Variants in B3GAT2 observed in about 807,000 individuals in gnomAD.
The protein encoded by B3GAT2 is galactosylgalactosylxylosylprotein 3-beta-glucuronosyltransferase 2.
Under a neutral mutation model 27.8 loss-of-function variants are expected in B3GAT2, and 26 were observed. The ratio of observed to expected loss-of-function variants is 0.93; its 90% CI spans 0.68 to 1.30. The LOEUF (loss-of-function observed/expected upper bound fraction) is 1.30. Among genes scored for constraint, B3GAT2 ranks in the 50% most tolerant of loss-of-function variants. The pLI, the probability that B3GAT2 is intolerant of heterozygous loss-of-function variation, is 0.00. For missense variants in B3GAT2, 458 were observed against 459.0 expected, an observed-to-expected ratio of 1.00 and a Z score of 0.02; for synonymous variants, 218 against 195.1, an observed-to-expected ratio of 1.12 and a Z score of -0.98.
intron 2 of B3GAT2, among the ~76,000 whole-genome samples, chr6:70,875,866 T>G (rs759980161): frequency 6.6e-5 from 10 of 152,218 alleles, no homozygotes; most frequent in Admixed American, 3.3e-4. Flanking sequence ...ACAATTCATT[T>G]AAATCTCTAC....
Position 70,859,494 on chromosome 6 carries a change from T to C in B3GAT2, c.*2169A>G. On this transcript the variant is annotated 3_prime_UTR_variant, in exon 4 of 4. Coordinates refer to ENST00000230053, the MANE Select transcript of B3GAT2 (RefSeq NM_080742.3). ...GTTTATGTTAGTGTCTTTGAAACTG[T>C]AAATAAGTCAAGTCAAATGTATTAA... 1 of 922,022 alleles carries C rather than the reference T, an allele frequency of 1.1e-6. No homozygotes were observed. The highest frequency in any genetic ancestry group is 2.8e-5 in the Admixed American group (1 of 35,486). 57.1% of individuals were successfully genotyped at this position (922,022 alleles called of 1,614,324 possible). A position where few individuals can be genotyped will look rare whatever the true frequency, so the allele number is the denominator to read the frequency against.
rs780132152 is a variant in B3GAT2 at position 70,897,540 on chromosome 6, AC to A, written c.592-3269del. ...GATCACTTGAGGTCAGGAGTTCGAG[AC>A]CAGCCTGGCCAACATGGTGAAACCC... On this transcript the variant is annotated intron_variant, in intron 1 of 3. Transcript: ENST00000230053. 2.6e-5 allele frequency among the ~76,000 whole-genome samples: 4 copies of A among 152,068 alleles called. No homozygotes were observed. In the East Asian group the frequency reaches 5.8e-4, roughly 22 times the overall value.
At chr6:70,878,187 G>A (rs1164614323) in intron 2 of B3GAT2, among the ~76,000 whole-genome samples, 1 of 152,092 alleles carries the variant, frequency 6.6e-6, no homozygotes, top group African/African-American at 2.4e-5. Flanking sequence ...ATTAGATCAA[G>A]TTTTTTATAT....
chr6:70,906,153 A>T (rs919890052), intron 1 of B3GAT2, among the ~76,000 whole-genome samples: 1 of 152,142 alleles, frequency 6.6e-6, no homozygotes, highest in African/African-American at 2.4e-5. Flanking sequence ...CCACACGAAA[A>T]CCAACGATCT....
In B3GAT2 at chr6:70,856,733, C is replaced by T; in HGVS notation, c.*4930G>A. On this transcript the variant is annotated 3_prime_UTR_variant, in exon 4 of 4. Transcript: ENST00000230053. ...GCTTGTAAGTGATCCTCTTGAATGG[C>T]ACCATTTTACCTTCTACAATTGTTT... The T allele has an allele frequency of 2.2e-6, 2 of 925,392 alleles. No individual in the cohort carries two copies. The highest frequency in any genetic ancestry group is 1.7e-5 in the African/African-American group (1 of 59,956). The allele number at this position is 925,392 out of a possible 1,614,324, so 57.3% of individuals were successfully genotyped here. A position where few individuals can be genotyped will look rare whatever the true frequency, so the allele number is the denominator to read the frequency against.
At chr6:70,868,676 T>C (rs1269733870) in intron 2 of B3GAT2, among the ~76,000 whole-genome samples, 1 of 152,198 alleles carries the variant, frequency 6.6e-6, no homozygotes, top group African/African-American at 2.4e-5. Flanking sequence ...GACACATGTT[T>C]AGTGTTACCA....
At chr6:70,896,618 T>C (rs1772391509) in intron 1 of B3GAT2, among the ~76,000 whole-genome samples, 1 of 152,174 alleles carries the variant, frequency 6.6e-6, no homozygotes. Flanking sequence ...TCCTCTAGAA[T>C]TTTGTATGAA....
intron 1 of B3GAT2, among the ~76,000 whole-genome samples, chr6:70,905,412 T>C (rs1037122011): frequency 3.3e-5 from 5 of 152,248 alleles, no homozygotes; most frequent in South Asian, 4.1e-4. Context: ...TAATTGCCAA[T>C]GACTATGTTA....
At position 70,956,676 on chromosome 6, in the gene B3GAT2, A is replaced by C. The variant is rs370250434; in HGVS notation, c.-247T>G. 889 of 1,357,268 alleles carry C rather than the reference A, an allele frequency of 6.5e-4. 10 individuals carry two copies. The East Asian group carries it at 0.017, about 26-fold the overall frequency. The allele number at this position is 1,357,268 out of a possible 1,614,324, so 84.1% of individuals were successfully genotyped here. ...GCGGGCAGGGGCTGCCCCCGACTCC[A>C]GGTGAGCTGGCGGGAAGCGGGACTC... On this transcript the variant is annotated 5_prime_UTR_variant, in exon 1 of 4. Coordinates refer to ENST00000230053, the MANE Select transcript of B3GAT2 (RefSeq NM_080742.3).
At chr6:70,905,294 T>TA (rs1427799833) in intron 1 of B3GAT2, among the ~76,000 whole-genome samples, 2 of 152,176 alleles carry the variant, frequency 1.3e-5, no homozygotes, top group Non-Finnish European at 2.9e-5. Flanking sequence ...CCACCAATGT[T>TA]AAAATGCATT....
At chr6:70,867,110 GTTA>G (rs1771863736) in intron 2 of B3GAT2, among the ~76,000 whole-genome samples, 1 of 152,094 alleles carries the variant, frequency 6.6e-6, no homozygotes, top group Non-Finnish European at 1.5e-5. Flanking sequence ...TGATAAAGTG[GTTA>G]ACTGAATGAA....
In B3GAT2 at chr6:70,953,200, A is replaced by G. The variant is rs117153167; in HGVS notation, c.591+2639T>C. Among the ~76,000 whole-genome samples, 195 of 152,336 alleles carry G rather than the reference A, an allele frequency of 1.3e-3. 3 individuals carry two copies. In the East Asian group the frequency reaches 0.029, roughly 22 times the overall value. ...CCTCAGCCCTATAGCATTCCTAATC[A>G]GCATCTTTGCTTTCCCCCAAGGAGC... On this transcript the variant is annotated intron_variant, in intron 1 of 3. Transcript: ENST00000230053.
chr6:70,956,666 C>T lies in B3GAT2; in HGVS notation c.-237G>A. ...GTGCAGGCGGGCGGGCAGGGGCTGCCCCCGACTCCAGGTGAGCTGGCGGGA... is the reference window on the plus strand; with the variant it reads ...GTGCAGGCGGGCGGGCAGGGGCTGCTCCCGACTCCAGGTGAGCTGGCGGGA... On this transcript the variant is annotated 5_prime_UTR_variant, in exon 1 of 4. Transcript: ENST00000230053. 7.3e-7 allele frequency: 1 copy of T among 1,373,284 alleles called. No individual in the cohort carries two copies. The highest frequency in any genetic ancestry group is 1.6e-5 in the South Asian group (1 of 63,668). The allele number at this position is 1,373,284 out of a possible 1,614,324, so 85.1% of individuals were successfully genotyped here. A position where few individuals can be genotyped will look rare whatever the true frequency, so the allele number is the denominator to read the frequency against.
At chr6:70,887,246 A>T (rs549525543) in intron 2 of B3GAT2, among the ~76,000 whole-genome samples, 1 of 152,192 alleles carries the variant, frequency 6.6e-6, no homozygotes, top group Non-Finnish European at 1.5e-5. Context: ...AGCTGATCAC[A>T]GCATTATCTA....
chr6:70,913,477 A>T (rs1170584044), intron 1 of B3GAT2, among the ~76,000 whole-genome samples: 1 of 152,146 alleles, frequency 6.6e-6, no homozygotes, highest in Non-Finnish European at 1.5e-5. Flanking sequence ...GTCATTCAGG[A>T]GCAGGTTGTT....
chr6:70,936,163 T>TA (rs1317128988), intron 1 of B3GAT2, among the ~76,000 whole-genome samples: 2 of 152,020 alleles, frequency 1.3e-5, no homozygotes, highest in Admixed American at 6.6e-5. Context: ...AGAAGGCCGT[T>TA]ACATAACGGT....
chr6:70,858,855 A>G lies in B3GAT2; in HGVS notation c.*2808T>C, dbSNP rs1285117604. The G allele has an allele frequency of 6.5e-6, 1 of 153,052 alleles. No homozygotes were observed. Among genetic ancestry groups the G allele is most frequent in the African/African-American group, 2.4e-5 (1 of 41,466 alleles). The allele number at this position is 153,052 out of a possible 1,614,324, so 9.5% of individuals were successfully genotyped here. A position where few individuals can be genotyped will look rare whatever the true frequency, so the allele number is the denominator to read the frequency against. ...AAGAGTACAAAAAGATTCAATTCCC[A>G]TAAGGTGTGAACCAGACATCCCCTC... On this transcript the variant is annotated 3_prime_UTR_variant, in exon 4 of 4. Coordinates refer to ENST00000230053, the MANE Select transcript of B3GAT2 (RefSeq NM_080742.3).
At chr6:70,882,153 A>G (rs576274975) in intron 2 of B3GAT2, among the ~76,000 whole-genome samples, 20 of 152,326 alleles carry the variant, frequency 1.3e-4, no homozygotes, top group African/African-American at 4.8e-4. Context: ...GCTTCATGAG[A>G]TTGGATTCAG....
chr6:70,929,838 A>T (rs955532810), intron 1 of B3GAT2, among the ~76,000 whole-genome samples: 2 of 152,236 alleles, frequency 1.3e-5, no homozygotes, highest in Non-Finnish European at 2.9e-5. Flanking sequence ...ATTGGAAAAA[A>T]CTACTTTAAA....
Sources: allele counts gnomAD v4.1 joint callset (sites outside exome capture counted in the v4.1 genomes callset), GRCh38; gene constraint gnomAD v4.1.1; transcripts MANE v1.5; gene names NCBI Gene and HGNC (gene_info 2026-07-23, HGNC 2026-07-21).